The following PRR5 variants were observed in gnomAD, a reference collection of about 807,000 sequenced individuals.
The protein encoded by PRR5 is proline-rich protein 5.
Under a neutral mutation model 30.6 loss-of-function variants are expected in PRR5, and 25 were observed. That is an observed-to-expected ratio of 0.82 (90% CI 0.60 to 1.14). The LOEUF (loss-of-function observed/expected upper bound fraction) is 1.14, where lower values mean the gene tolerates loss of function less well. Among genes scored for constraint, PRR5 ranks in the 50% most tolerant of loss-of-function variants. PRR5 has a pLI of 0.00. For synonymous variants in PRR5, 286 were observed against 247.1 expected (o/e 1.16, Z -1.48); for missense variants, 600 against 547.1 (o/e 1.10, Z -0.96).
intron 2 of PRR5, among the ~76,000 whole-genome samples, chr22:44,721,628 T>C (rs1929948526): frequency 6.6e-6 from 1 of 152,118 alleles, no homozygotes; most frequent in Admixed American, 6.5e-5. Flanking sequence ...GGGTCTTCCT[T>C]TGGATTTAGT....
chr22:44,673,135 G>T (rs1159112410), upstream of PRR5, among the ~76,000 whole-genome samples: 1 of 152,218 alleles, frequency 6.6e-6, no homozygotes, highest in Non-Finnish European at 1.5e-5. Context: ...TCCACCTAGT[G>T]CCCAGAAGAG....
intron 2 of PRR5, among the ~76,000 whole-genome samples, chr22:44,719,244 TA>T (rs1243570760): frequency 7.7e-6 from 1 of 129,116 alleles, no homozygotes; most frequent in African/African-American, 2.9e-5. Flanking sequence ...CAAGCCTAGC[TA>T]ATTTTTTTTT....
chr22:44,693,043 A>G (rs1357743243), intron 1 of PRR5, among the ~76,000 whole-genome samples: 2 of 152,054 alleles, frequency 1.3e-5, no homozygotes, highest in Non-Finnish European at 2.9e-5. Flanking sequence ...CCCCATCTGG[A>G]CATGGGGTTT....
intron 4 of PRR5, chr22:44,731,371 T>C (rs1422217442): frequency 5.1e-5 from 19 of 369,630 alleles, no homozygotes; most frequent in Non-Finnish European, 5.7e-5. Flanking sequence ...TGTATACCTG[T>C]GTGGCTCTCA....
chr22:44,709,986 TCA>T (rs1050663746), intron 1 of PRR5, among the ~76,000 whole-genome samples: 5 of 152,070 alleles, frequency 3.3e-5, no homozygotes, highest in Non-Finnish European at 7.4e-5. Flanking sequence ...TGCTCTTTTC[TCA>T]CGTGTGTGGT....
upstream of PRR5, among the ~76,000 whole-genome samples, chr22:44,700,459 A>G (rs539286728): frequency 3.9e-5 from 6 of 152,274 alleles, no homozygotes; most frequent in African/African-American, 1.4e-4. Context: ...GCGAAACGCC[A>G]TCACACACGC....
Position 44,737,297 on chromosome 22 carries a change from G to A in PRR5, c.*50G>A, listed in dbSNP as rs1157037190. On this transcript the variant is annotated 3_prime_UTR_variant, in exon 8 of 8. Coordinates refer to ENST00000336985, the MANE Select transcript of PRR5 (RefSeq NM_181333.4). ...TTACTGACACGTCCCTGTGTGCGGGGGTGTCCATGTGGCGTGTGTGTGAGT... is the reference window on the plus strand; with the variant it reads ...TTACTGACACGTCCCTGTGTGCGGGAGTGTCCATGTGGCGTGTGTGTGAGT... 9 of 1,549,782 alleles carry A rather than the reference G, an allele frequency of 5.8e-6. No homozygotes were observed. The highest frequency in any genetic ancestry group is 7.0e-6 in the Non-Finnish European group (8 of 1,144,992).
At chr22:44,678,120 T>C (rs942241010) in intron 1 of PRR5, among the ~76,000 whole-genome samples, 1 of 152,164 alleles carries the variant, frequency 6.6e-6, no homozygotes, top group African/African-American at 2.4e-5. Context: ...ATGCGGGCTC[T>C]TGATGGGAAC....
intron 3 of PRR5, among the ~76,000 whole-genome samples, chr22:44,725,912 G>A (rs750595081): frequency 5.3e-5 from 8 of 152,200 alleles, no homozygotes; most frequent in Non-Finnish European, 7.3e-5. Flanking sequence ...TGATCTGCCC[G>A]CCTCAGCCTC....
At chr22:44,689,893 C>G (rs1925091413) in intron 1 of PRR5, among the ~76,000 whole-genome samples, 1 of 145,328 alleles carries the variant, frequency 6.9e-6, no homozygotes. Flanking sequence ...AAGTGATCTG[C>G]CCGCCTCGGC....
intron 1 of PRR5, among the ~76,000 whole-genome samples, chr22:44,703,582 G>T (rs929998138): frequency 6.6e-6 from 1 of 152,178 alleles, no homozygotes; most frequent in Non-Finnish European, 1.5e-5. Context: ...CTGCTAGAGG[G>T]CTGTCACATG....
chr22:44,724,375 C>G (rs1930368871), intron 2 of PRR5, among the ~76,000 whole-genome samples: 1 of 151,966 alleles, frequency 6.6e-6, no homozygotes, highest in Non-Finnish European at 1.5e-5. Context: ...TCACCGCAAC[C>G]TCTAGGTTGA....
At position 44,737,348 on chromosome 22, in the gene PRR5, C is replaced by A. The variant is rs200344931; in HGVS notation, c.*101C>A. Reference sequence around the variant, plus strand: ...GAGACTTTTTTACTGCGTCCCGTCCCGCCAGCCCTATCGGCCTCGTCACTG... The same window carrying A: ...GAGACTTTTTTACTGCGTCCCGTCCAGCCAGCCCTATCGGCCTCGTCACTG... On this transcript the variant is annotated 3_prime_UTR_variant, in exon 8 of 8. Transcript: ENST00000336985. The A allele has an allele frequency of 6.8e-7, 1 of 1,467,016 alleles. No individual in the cohort carries two copies. Among genetic ancestry groups the A allele is most frequent in the Non-Finnish European group, 9.0e-7 (1 of 1,111,242 alleles). 90.9% of individuals were successfully genotyped at this position (1,467,016 alleles called of 1,614,324 possible).
intron 1 of PRR5, among the ~76,000 whole-genome samples, chr22:44,703,576 T>G (rs1926714639): frequency 6.6e-6 from 1 of 152,180 alleles, no homozygotes; most frequent in African/African-American, 2.4e-5. Context: ...TGCAAACTGC[T>G]AGAGGGCTGT....
At chr22:44,698,850 C>T (rs951867943), upstream of PRR5, among the ~76,000 whole-genome samples, 1 of 152,220 alleles carries the variant, frequency 6.6e-6, no homozygotes, top group African/African-American at 2.4e-5. Context: ...GCCCTTTGTC[C>T]CCCAGTTGCC....
rs146662398 is a variant in PRR5, at chr22:44,691,721, C to T, written c.-10-10771C>T. ...CCTGGGAGGTAGAGGCTGCAGTGAG[C>T]CGAGATTGCACCACTGCATTCCAGC... On this transcript the variant is annotated intron_variant, in intron 1 of 8. Transcript: ENST00000006251. The surrounding 1 kb of genome is among the most constrained non-coding windows in gnomAD (Gnocchi z 4.4). Among the ~76,000 whole-genome samples, 884 of 152,180 alleles carry T rather than the reference C, an allele frequency of 5.8e-3. 7 individuals carry two copies. Among genetic ancestry groups the T allele is most frequent in the African/African-American group, 0.02 (824 of 41,514 alleles).
At chr22:44,694,292 C>T (rs1453305287) in intron 1 of PRR5, among the ~76,000 whole-genome samples, 6 of 152,138 alleles carry the variant, frequency 3.9e-5, no homozygotes, top group African/African-American at 1.2e-4. Context: ...AATCCCAGGA[C>T]TTTGAGAAGC....
At chr22:44,673,478 T>C (rs1177342687), upstream of PRR5, among the ~76,000 whole-genome samples, 1 of 152,234 alleles carries the variant, frequency 6.6e-6, no homozygotes, top group Non-Finnish European at 1.5e-5. Context: ...TGTTCCATCA[T>C]CATCCCATTG....
Position 44,737,191 on chromosome 22 carries a change from C to CGGGGCT in PRR5, c.1112_1117dup (p.Gly372_Ser373insTrpGly). The CGGGGCT allele has an allele frequency of 1.2e-6, 2 of 1,612,278 alleles. No homozygotes were observed. The highest frequency in any genetic ancestry group is 1.7e-6 in the Non-Finnish European group (2 of 1,179,606). ...GATTTTCATTGACTTTGGCCGGGGC[C>CGGGGCT]GGGGCTCTGGCATGTCCGACTTGGA... is the stretch of plus-strand genomic sequence containing the variant. On this transcript the variant is annotated inframe_insertion, in exon 8 of 8. Coordinates refer to ENST00000336985, the MANE Select transcript of PRR5 (RefSeq NM_181333.4).
Sources: gnomAD v4.1 joint callset for allele counts (sites outside exome capture counted in the v4.1 genomes callset) on GRCh38, gnomAD v4.1.1 for gene constraint, Gnocchi (gnomAD v3.1) non-coding constraint, MANE v1.5 for transcripts, NCBI Gene and HGNC (gene_info 2026-07-23, HGNC 2026-07-21) for gene names.